Variants in ANTXRL observed in about 807,000 individuals in gnomAD.
ANTXRL encodes ANTXR like, also known as anthrax toxin receptor-like.
In ANTXRL, 63 loss-of-function variants were observed where a neutral mutation model predicts 75.4. That is an observed-to-expected ratio of 0.84 (90% confidence interval 0.68 to 1.03). The LOEUF is 1.03. Among genes scored for constraint, ANTXRL ranks in the 50% least tolerant of loss-of-function variants. The probability of loss-of-function intolerance (pLI) is 0.00; values close to 1 mark genes in which losing one functional copy is unlikely to be tolerated. For synonymous variants in ANTXRL, 335 were observed against 291.3 expected, an observed-to-expected ratio of 1.15 and a Z score of -1.53; for missense variants, 797 against 789.4, an observed-to-expected ratio of 1.01 and a Z score of -0.12.
At chr10:46,318,988 G>GTCC (rs140077094) in intron 16 of ANTXRL, among the ~76,000 whole-genome samples, 7,354 of 152,172 alleles carry the variant, frequency 0.048, 596 homozygotes, top group African/African-American at 0.17. Context: ...AGCTCTGTGT[G>GTCC]TCCTCATTTC....
At chr10:46,309,687 T>G (rs527793076) in intron 13 of ANTXRL, among the ~76,000 whole-genome samples, 1 of 68,036 alleles carries the variant, frequency 1.5e-5, no homozygotes, top group African/African-American at 6.0e-5. Context: ...CATGTCTAGT[T>G]CCTTCCCCAT....
chr10:46,325,790 C>T (rs4466762), intron 16 of ANTXRL, among the ~76,000 whole-genome samples: 78,492 of 151,744 alleles, frequency 0.52, 21,291 homozygotes, highest in Admixed American at 0.63. Context: ...TCAGCATTTT[C>T]TCTAGCTCCT....
intron 3 of ANTXRL, among the ~76,000 whole-genome samples, chr10:46,294,463 G>T (rs1244963742): frequency 6.6e-6 from 1 of 151,974 alleles, no homozygotes; most frequent in Non-Finnish European, 1.5e-5. Context: ...TGGAGCCCAG[G>T]CCCAGCAGGG....
At chr10:46,308,713 C>T in intron 12 of ANTXRL, 1 of 339,824 alleles carries the variant, frequency 2.9e-6, no homozygotes, top group Non-Finnish European at 5.7e-6. Context: ...GCCCACGGTG[C>T]AGAGCCTGGA....
intron 10 of ANTXRL, among the ~76,000 whole-genome samples, chr10:46,303,234 G>A (rs1837865316): frequency 6.6e-6 from 1 of 152,280 alleles, no homozygotes; most frequent in South Asian, 2.1e-4. Flanking sequence ...CCAGTAGCTT[G>A]CCCAGAGGGG....
rs1214972402 is a variant in ANTXRL at position 46,312,367 on chromosome 10, A to G, written c.1329+702A>G. On this transcript the variant is annotated intron_variant, in intron 15 of 16. Coordinates refer to ENST00000620264, the MANE Select transcript of ANTXRL (RefSeq NM_001278688.3). ...TCCTTCACGGGCGGGTCCAGGGCCC[A>G]TCTTGCTGAGGGGAACCCTGCCAGA... is the stretch of plus-strand genomic sequence containing the variant. Among the ~76,000 whole-genome samples the G allele has an allele frequency of 2.0e-5, 3 of 147,212 alleles. 1 individual carries two copies. Among genetic ancestry groups the G allele is most frequent in the Non-Finnish European group, 3.0e-5 (2 of 65,790 alleles).
At chr10:46,307,218 C>T (rs181796712) in intron 11 of ANTXRL, among the ~76,000 whole-genome samples, 184 bp from the exon 12 acceptor site, 108 of 152,212 alleles carry the variant, frequency 7.1e-4, no homozygotes, top group African/African-American at 2.3e-3. Flanking sequence ...ATTTAGGACG[C>T]GGTCACAATG....
chr10:46,301,913 C>T (rs1232746535), intron 9 of ANTXRL, among the ~76,000 whole-genome samples: 1 of 152,186 alleles, frequency 6.6e-6, no homozygotes, highest in Non-Finnish European at 1.5e-5. Flanking sequence ...TTGGCAGCTG[C>T]AGACCTGCGG....
chr10:46,286,923 C>A, upstream of ANTXRL: 1 of 369,444 alleles, frequency 2.7e-6, no homozygotes, highest in Non-Finnish European at 5.0e-6. Flanking sequence ...GTGCCTCCCC[C>A]TGATGTTGTC....
chr10:46,328,041 C>A (rs1316655202), intron 16 of ANTXRL, among the ~76,000 whole-genome samples: 3 of 152,128 alleles, frequency 2.0e-5, no homozygotes, highest in African/African-American at 7.2e-5. Context: ...CAGTTACAGT[C>A]CTCATGCTTG....
chr10:46,293,319 C>T lies in ANTXRL; in HGVS notation c.321-510C>T, dbSNP rs530884989. Among the ~76,000 whole-genome samples, 642 of 97,732 alleles carry T rather than the reference C, an allele frequency of 6.6e-3. 8 individuals carry two copies. Among genetic ancestry groups the T allele is most frequent in the African/African-American group, 0.023 (595 of 25,538 alleles). 64.1% of individuals were successfully genotyped at this position (97,732 alleles called of 152,430 possible). On this transcript the variant is annotated intron_variant, in intron 2 of 16. Coordinates refer to ENST00000620264, the MANE Select transcript of ANTXRL (RefSeq NM_001278688.3). The stretch of plus-strand genomic sequence containing the variant: ...GTGCCTGTGTGTGTGTGCGTGTGTG[C>T]CTGTGTGTGAGTGTGTGCGTGTGTG...
At chr10:46,311,797 T>G (rs1302907754) in intron 15 of ANTXRL, 132 bp downstream of exon 15, 291 of 557,168 alleles carry the variant, frequency 5.2e-4, no homozygotes, top group Non-Finnish European at 8.4e-4. Flanking sequence ...CTTTGGACAC[T>G]TGATGTCAAG....
rs782052803 is a variant in ANTXRL, at chr10:46,287,304, CCTG to C, written c.57_59del (p.Leu20del). 9.1e-6 allele frequency: 14 copies of C among 1,534,118 alleles called. No homozygotes were observed. Among genetic ancestry groups the C allele is most frequent in the East Asian group, 2.4e-5 (1 of 40,832 alleles). ...CCCTGGGGCCCTACTTCCTGGTCTT[CCTG>C]CTGCTGCTGCTGCTTCCTCCACCGC... On this transcript the variant is annotated inframe_deletion, in exon 1 of 17. Coordinates refer to ENST00000620264, the MANE Select transcript of ANTXRL (RefSeq NM_001278688.3).
chr10:46,311,666 G>A lies in ANTXRL; in HGVS notation c.1329+1G>A, dbSNP rs1554963577. The A allele has an allele frequency of 7.0e-6, 7 of 995,400 alleles. No individual in the cohort carries two copies. The highest frequency in any genetic ancestry group is 2.0e-5 in the Admixed American group (1 of 50,162). The allele number at this position is 995,400 out of a possible 1,614,324, so 61.7% of individuals were successfully genotyped here. Reference sequence around the variant, plus strand: ...AGTGGGCGGGATGAGAAGGATAGAGGTGAGAAGGGCACAGTGGAGAGGGGC... The same window carrying A: ...AGTGGGCGGGATGAGAAGGATAGAGATGAGAAGGGCACAGTGGAGAGGGGC... On this transcript the variant is annotated splice_donor_variant, in intron 15 of 16. Coordinates refer to ENST00000620264, the MANE Select transcript of ANTXRL (RefSeq NM_001278688.3). LOFTEE classifies it high-confidence loss of function.
At chr10:46,329,440 T>G (rs1839380548) in intron 16 of ANTXRL, among the ~76,000 whole-genome samples, 159 bp from the exon 17 acceptor site, 1 of 152,066 alleles carries the variant, frequency 6.6e-6, no homozygotes, top group African/African-American at 2.4e-5. Flanking sequence ...GAGTCCAGGC[T>G]GGAGGCAGCA....
intron 16 of ANTXRL, among the ~76,000 whole-genome samples, chr10:46,317,930 C>T (rs1183214137): frequency 6.6e-6 from 1 of 152,150 alleles, no homozygotes; most frequent in African/African-American, 2.4e-5. Context: ...AGGAGACCCT[C>T]TCAAACTCCA....
chr10:46,322,215 TA>T (rs1839011183), intron 16 of ANTXRL, among the ~76,000 whole-genome samples: 1 of 152,098 alleles, frequency 6.6e-6, no homozygotes, highest in Admixed American at 6.5e-5. Flanking sequence ...AGTCCATCTG[TA>T]AGTGTCCAAA....
chr10:46,303,530 C>G (rs1837885467), intron 10 of ANTXRL, among the ~76,000 whole-genome samples: 1 of 152,178 alleles, frequency 6.6e-6, no homozygotes, highest in African/African-American at 2.4e-5. Context: ...CTGAAATTCT[C>G]TAATGAGCAT....
At chr10:46,290,045 C>CTTTTTTTTTTTTT (rs34276033) in intron 1 of ANTXRL, among the ~76,000 whole-genome samples, 8 of 119,666 alleles carry the variant, frequency 6.7e-5, no homozygotes, top group African/African-American at 2.3e-4. Context: ...TTTTCTTTAT[C>CTTTTTTTTTTTTT]TTTTTTTTTT....
Sources: allele counts gnomAD v4.1 joint callset (sites outside exome capture counted in the v4.1 genomes callset), GRCh38; gene constraint gnomAD v4.1.1; transcripts MANE v1.5; gene names NCBI Gene and HGNC (gene_info 2026-07-23, HGNC 2026-07-21).